The following IKZF2 variants were observed in gnomAD, a reference collection of about 807,000 sequenced individuals.
IKZF2 encodes the protein zinc finger protein Helios.
A neutral mutation model predicts 49.2 loss-of-function variants in IKZF2; 15 were observed. The observed-to-expected ratio is 0.30, with a 90% CI of 0.20 to 0.47. The LOEUF (loss-of-function observed/expected upper bound fraction) is 0.47. IKZF2 is among the 20% of genes least tolerant of loss of function. The pLI, the probability that IKZF2 is intolerant of heterozygous loss-of-function variation, is 1.00. For synonymous variants in IKZF2, 227 were observed against 221.4 expected (o/e 1.03, Z -0.23); for missense variants, 567 against 664.6 (o/e 0.85, Z 1.61).
chr2:213,079,608 T>C (rs1229028678), intron 4 of IKZF2, among the ~76,000 whole-genome samples: 3 of 151,574 alleles, frequency 2.0e-5, no homozygotes, highest in Admixed American at 2.0e-4. Flanking sequence ...CTATAAACCA[T>C]CTCCATAAAT....
chr2:213,069,488 C>T (rs1376614172), intron 4 of IKZF2, among the ~76,000 whole-genome samples: 1 of 152,150 alleles, frequency 6.6e-6, no homozygotes, highest in African/African-American at 2.4e-5. Context: ...CTTTCACACT[C>T]CTAGCAGGTT....
intron 4 of IKZF2, among the ~76,000 whole-genome samples, chr2:213,090,908 A>C (rs1033412382): frequency 2.6e-5 from 4 of 152,144 alleles, no homozygotes; most frequent in Non-Finnish European, 5.9e-5. Context: ...TGAGGCAATA[A>C]ACTTCTGTTG....
chr2:213,062,388 T>C (rs534702508), intron 4 of IKZF2, among the ~76,000 whole-genome samples: 1 of 151,830 alleles, frequency 6.6e-6, no homozygotes, highest in African/African-American at 2.4e-5. Flanking sequence ...TAAAGTGATG[T>C]ATTTATTGAT....
chr2:213,145,535 AG>A (rs1327803522), intron 4 of IKZF2, among the ~76,000 whole-genome samples: 3 of 152,080 alleles, frequency 2.0e-5, no homozygotes, highest in African/African-American at 7.2e-5. Context: ...AAAACATCAG[AG>A]TGACCAATTC....
Position 213,006,530 on chromosome 2 carries a change from AATT to A in IKZF2, c.*827_*829del, listed in dbSNP as rs1407825013. The A allele has an allele frequency of 6.6e-6, 1 of 152,510 alleles. No individual in the cohort carries two copies. Among genetic ancestry groups the A allele is most frequent in the East Asian group, 1.9e-4 (1 of 5,176 alleles). The allele number at this position is 152,510 out of a possible 1,614,324, so 9.4% of individuals were successfully genotyped here. The stretch of plus-strand genomic sequence containing the variant: ...TATGAAAGTAGAAGTCCCTCCCAGA[AATT>A]ATTGACTGCCTTTTATCCACTCTTA... On this transcript the variant is annotated 3_prime_UTR_variant, in exon 9 of 9. Coordinates refer to ENST00000434687, the MANE Select transcript of IKZF2 (RefSeq NM_001387220.1).
At chr2:213,096,324 T>G (rs1232181693) in intron 4 of IKZF2, among the ~76,000 whole-genome samples, 1 of 151,964 alleles carries the variant, frequency 6.6e-6, no homozygotes, top group Non-Finnish European at 1.5e-5. Context: ...TTTTTCTGAT[T>G]ATGAAAGTAA....
intron 6 of IKZF2, among the ~76,000 whole-genome samples, chr2:213,034,585 A>G (rs988495032): frequency 8.5e-5 from 13 of 152,220 alleles, no homozygotes; most frequent in African/African-American, 3.1e-4. Context: ...TTGGTGAAGC[A>G]GTCAGAGCTT....
At chr2:213,008,307 C>T in intron 8 of IKZF2, among the ~76,000 whole-genome samples, 1 of 151,324 alleles carries the variant, frequency 6.6e-6, no homozygotes, top group Non-Finnish European at 1.5e-5. Flanking sequence ...TCTCTGCTCA[C>T]TGCAACCTCC....
chr2:213,116,251 C>G (rs1031758941), intron 4 of IKZF2, among the ~76,000 whole-genome samples: 3 of 152,114 alleles, frequency 2.0e-5, no homozygotes, highest in African/African-American at 7.2e-5. Flanking sequence ...AAACATGAAA[C>G]AGTGTTGAGG....
chr2:213,033,836 C>T (rs1011872313), intron 6 of IKZF2, among the ~76,000 whole-genome samples: 2 of 143,224 alleles, frequency 1.4e-5, no homozygotes, highest in South Asian at 2.1e-4. Flanking sequence ...CATTGTCCTA[C>T]CAAGAGAGTC....
At chr2:213,040,671 TAAAG>T (rs576067240) in intron 6 of IKZF2, among the ~76,000 whole-genome samples, 1 of 152,120 alleles carries the variant, frequency 6.6e-6, no homozygotes, top group African/African-American at 2.4e-5. Flanking sequence ...TTAGGTATAA[TAAAG>T]AAAGTAAAAG....
At chr2:213,142,763 A>C (rs1426500818) in intron 4 of IKZF2, among the ~76,000 whole-genome samples, 2 of 151,968 alleles carry the variant, frequency 1.3e-5, no homozygotes, top group Non-Finnish European at 2.9e-5. Context: ...TAAGTGTTAT[A>C]AAATAGAGTA....
At chr2:213,014,287 A>G in intron 7 of IKZF2, 1 of 158,918 alleles carries the variant, frequency 6.3e-6, no homozygotes, top group East Asian at 1.8e-4. Context: ...CAAGGCTTTT[A>G]GAGTTTATTT....
At chr2:213,066,505 A>G (rs2125452014) in intron 4 of IKZF2, among the ~76,000 whole-genome samples, 2 of 152,204 alleles carry the variant, frequency 1.3e-5, no homozygotes, top group East Asian at 3.9e-4. Context: ...TAAACACTGT[A>G]CTACTGGTCT....
intron 5 of IKZF2, among the ~76,000 whole-genome samples, chr2:213,053,522 C>T (rs866721274): frequency 6.6e-6 from 1 of 152,090 alleles, no homozygotes. Context: ...GGTGGAACAA[C>T]CTACAAATAT....
intron 4 of IKZF2, among the ~76,000 whole-genome samples, chr2:213,128,618 G>GT (rs1405634187): frequency 7.0e-6 from 1 of 143,038 alleles, no homozygotes; most frequent in Non-Finnish European, 1.5e-5. Context: ...AGAAGATAAG[G>GT]TTTTGTTGTT....
intron 4 of IKZF2, among the ~76,000 whole-genome samples, chr2:213,113,213 A>G (rs1486183483): frequency 6.6e-6 from 1 of 152,182 alleles, no homozygotes; most frequent in African/African-American, 2.4e-5. Context: ...CCTACTTTAT[A>G]TGGATGTCCC....
At chr2:213,117,346 C>G (rs1380965340) in intron 4 of IKZF2, among the ~76,000 whole-genome samples, 4 of 152,110 alleles carry the variant, frequency 2.6e-5, no homozygotes, top group African/African-American at 9.7e-5. Context: ...TTAATTCTCC[C>G]AACAGCCTTA....
intron 4 of IKZF2, among the ~76,000 whole-genome samples, chr2:213,144,738 CCATCTT>C (rs1380443428): frequency 2.0e-5 from 3 of 151,868 alleles, no homozygotes; most frequent in Non-Finnish European, 4.4e-5. Context: ...GCAACAATGT[CCATCTT>C]CTTAACAAAG....
Sources: gnomAD v4.1 joint callset for allele counts (sites outside exome capture counted in the v4.1 genomes callset) on GRCh38, gnomAD v4.1.1 for gene constraint, MANE v1.5 for transcripts, NCBI Gene and HGNC (gene_info 2026-07-23, HGNC 2026-07-21) for gene names.